Variants in FBXO31 observed in about 807,000 individuals in gnomAD.
FBXO31 encodes F-box protein 31.
In FBXO31, 24 loss-of-function variants were observed where a neutral mutation model predicts 54.4. The observed-to-expected ratio is 0.44, with a 90% CI of 0.32 to 0.62. The LOEUF (loss-of-function observed/expected upper bound fraction) is 0.62. Ranked by LOEUF, FBXO31 falls within the 20% of genes least tolerant of loss-of-function variation. The pLI, the probability that FBXO31 is intolerant of heterozygous loss-of-function variation, is 0.05. For missense variants in FBXO31, 665 were observed against 787.1 expected, an observed-to-expected ratio of 0.84 and a Z score of 1.86; for synonymous variants, 388 against 335.6, an observed-to-expected ratio of 1.16 and a Z score of -1.71.
intron 1 of FBXO31, among the ~76,000 whole-genome samples, chr16:87,366,821 A>T (rs1406575270): frequency 6.6e-6 from 1 of 152,222 alleles, no homozygotes; most frequent in East Asian, 1.9e-4. Context: ...AAAGGGGCAC[A>T]CACATCTAGG....
At chr16:87,375,973 T>A (rs939826786) in intron 1 of FBXO31, among the ~76,000 whole-genome samples, 3 of 152,178 alleles carry the variant, frequency 2.0e-5, no homozygotes, top group Admixed American at 2.0e-4. Flanking sequence ...CACAGTAGTA[T>A]AAAAATAACC....
intron 3 of FBXO31, 35 bp downstream of exon 3, chr16:87,347,139 G>A (rs201350839): frequency 4.2e-5 from 67 of 1,593,152 alleles, no homozygotes; most frequent in South Asian, 3.4e-4. Flanking sequence ...ACTCCTGCCC[G>A]TGCACAGACC....
At chr16:87,385,224 C>T (rs924029757), upstream of FBXO31, among the ~76,000 whole-genome samples, 1 of 151,994 alleles carries the variant, frequency 6.6e-6, no homozygotes, top group South Asian at 2.1e-4. Flanking sequence ...TTTGGGAGGC[C>T]GAGGCGGGCA....
Position 87,328,524 on chromosome 16 carries a change from G to A in FBXO31, c.*2764C>T, listed in dbSNP as rs545413767. The A allele has an allele frequency of 5.2e-5, 8 of 152,390 alleles. No individual in the cohort carries two copies. The East Asian group carries it at 1.2e-3, about 22-fold the overall frequency. 9.4% of individuals were successfully genotyped at this position (152,390 alleles called of 1,614,324 possible). A position where few individuals can be genotyped will look rare whatever the true frequency, so the allele number is the denominator to read the frequency against. ...GGACACTTGAGGTCACGGCCCAGGT[G>A]GGCTGAGGGACCCCAATACCACCTG... On this transcript the variant is annotated 3_prime_UTR_variant, in exon 9 of 9. Transcript: ENST00000311635.
intron 1 of FBXO31, among the ~76,000 whole-genome samples, chr16:87,365,977 C>G (rs552879788): frequency 4.7e-4 from 72 of 152,200 alleles, no homozygotes; most frequent in Non-Finnish European, 9.7e-4. Flanking sequence ...TGCCGTGAGC[C>G]AAGATTGCGC....
At chr16:87,368,232 G>A (rs1456267710) in intron 1 of FBXO31, among the ~76,000 whole-genome samples, 3 of 152,170 alleles carry the variant, frequency 2.0e-5, no homozygotes, top group Non-Finnish European at 4.4e-5. Flanking sequence ...AAAAGGTCAC[G>A]ACAAATGAAC....
In FBXO31 at chr16:87,331,484, C is replaced by T; in HGVS notation, c.1424G>A (p.Gly475Asp). The T allele has an allele frequency of 1.2e-6, 2 of 1,610,940 alleles. No homozygotes were observed. The highest frequency in any genetic ancestry group is 2.7e-5 in the African/African-American group (2 of 75,016). ...MCFYGTGLIAGHGFTSPERTP... is the reference protein window; with the variant it reads ...MCFYGTGLIADHGFTSPERTP... ...GCGTTCAGGGCTGGTGAAGCCGTGG[C>T]CCGCGATGAGGCCTGTGCCATAAAA... The change falls in exon 9 of 9, where the codon GGC (glycine) becomes GAC (aspartate). Residue 475 changes from glycine (G) to aspartate (D), a missense_variant. Physicochemically the swap from Gly to Asp is moderately conservative, Grantham distance 94 (BLOSUM62 -1). This residue lies in a region of FBXO31 where 71 missense variants were observed against 105.8 expected (regional missense o/e 0.67). Transcript: ENST00000311635.
At chr16:87,372,374 A>G (rs1371700897) in intron 1 of FBXO31, among the ~76,000 whole-genome samples, 1 of 152,158 alleles carries the variant, frequency 6.6e-6, no homozygotes. Flanking sequence ...GAGGAAAAGG[A>G]AAAAGGCTTT....
intron 5 of FBXO31, among the ~76,000 whole-genome samples, chr16:87,340,245 C>T (rs1485024297): frequency 6.6e-6 from 1 of 152,218 alleles, no homozygotes; most frequent in Non-Finnish European, 1.5e-5. Context: ...CAAGATCATA[C>T]CACTGTACTC....
At chr16:87,380,155 G>A (rs1056955322) in intron 1 of FBXO31, among the ~76,000 whole-genome samples, 6 of 151,400 alleles carry the variant, frequency 4.0e-5, no homozygotes, top group East Asian at 2.0e-4. Flanking sequence ...AAAATTAGCC[G>A]GGCATAGTGG....
At chr16:87,360,223 T>C in intron 2 of FBXO31, 72 bp downstream of exon 2, 1 of 1,389,090 alleles carries the variant, frequency 7.2e-7, no homozygotes, top group Non-Finnish European at 1.0e-6. Context: ...ACTTTGATTA[T>C]TTGTCATTGA....
In FBXO31 at chr16:87,383,751, C is replaced by T; in HGVS notation, c.-7G>A. On this transcript the variant is annotated 5_prime_UTR_variant, in exon 1 of 9. Transcript: ENST00000311635. The surrounding 1 kb of genome is among the most constrained non-coding windows in gnomAD (Gnocchi z 4.9). ...GGCGAGCACACACCGCCATGCCGCC[C>T]AGTGACGGCCACTGCTGCCGCCTGT... The T allele has an allele frequency of 8.3e-7, 1 of 1,202,000 alleles. No individual in the cohort carries two copies. Among genetic ancestry groups the T allele is most frequent in the Non-Finnish European group, 1.0e-6 (1 of 971,016 alleles). 74.5% of individuals were successfully genotyped at this position (1,202,000 alleles called of 1,614,324 possible). A position where few individuals can be genotyped will look rare whatever the true frequency, so the allele number is the denominator to read the frequency against.
intron 1 of FBXO31, among the ~76,000 whole-genome samples, chr16:87,364,819 AGAG>A (rs1266266694): frequency 6.6e-6 from 1 of 151,096 alleles, no homozygotes; most frequent in African/African-American, 2.4e-5. Context: ...CTCAGGAGTT[AGAG>A]ACCAGCCTGG....
chr16:87,371,761 T>C (rs1344206584), intron 1 of FBXO31, among the ~76,000 whole-genome samples: 1 of 152,220 alleles, frequency 6.6e-6, no homozygotes, highest in Admixed American at 6.5e-5. Context: ...ACAGGATCAG[T>C]GAGCGCGCAG....
chr16:87,386,193 G>A (rs373757716), upstream of FBXO31: 1 of 152,134 alleles, frequency 6.6e-6, no homozygotes, highest in Non-Finnish European at 1.5e-5. Context: ...TCCAGGGTGT[G>A]GTCTGAGCAG....
upstream of FBXO31, among the ~76,000 whole-genome samples, chr16:87,386,401 C>T (rs1400033765): frequency 1.3e-5 from 2 of 152,090 alleles, no homozygotes; most frequent in African/African-American, 2.4e-5. Flanking sequence ...GTATGCAGGA[C>T]GATTTTATGT....
intron 1 of FBXO31, chr16:87,367,945 C>T (rs1906438826): frequency 6.6e-6 from 1 of 152,228 alleles, no homozygotes; most frequent in Non-Finnish European, 1.5e-5. Flanking sequence ...CATCCTCTAA[C>T]CTGTCAGAAA....
rs1382685792 is a variant in FBXO31, at chr16:87,331,484, C to G, written c.1424G>C (p.Gly475Ala). ...GCGTTCAGGGCTGGTGAAGCCGTGGCCCGCGATGAGGCCTGTGCCATAAAA... is the reference window on the plus strand; with the variant it reads ...GCGTTCAGGGCTGGTGAAGCCGTGGGCCGCGATGAGGCCTGTGCCATAAAA... ...MCFYGTGLIA[G>A]HGFTSPERTP... The change falls in exon 9 of 9, where the codon GGC becomes GCC. Residue 475 changes from glycine to alanine, a missense_variant. Physicochemically the swap from Gly to Ala is moderately conservative, Grantham distance 60 (BLOSUM62 0). Coordinates refer to ENST00000311635, the MANE Select transcript of FBXO31 (RefSeq NM_024735.5). The G allele has an allele frequency of 1.2e-5, 19 of 1,610,940 alleles. No homozygotes were observed. The highest frequency in any genetic ancestry group is 1.6e-5 in the Non-Finnish European group (19 of 1,178,006).
intron 1 of FBXO31, among the ~76,000 whole-genome samples, chr16:87,364,733 T>A (rs775384051): frequency 1.3e-5 from 2 of 151,908 alleles, no homozygotes; most frequent in Non-Finnish European, 2.9e-5. Flanking sequence ...CTTTGCAGAT[T>A]ACAAAACATT....
Sources: allele counts gnomAD v4.1 joint callset (sites outside exome capture counted in the v4.1 genomes callset), GRCh38; gene constraint gnomAD v4.1.1; regional missense constraint gnomAD v4.1.1; non-coding constraint Gnocchi (gnomAD v3.1); transcripts MANE v1.5; gene names NCBI Gene and HGNC (gene_info 2026-07-23, HGNC 2026-07-21).